ITK: variants seen among roughly 807,000 people sequenced by gnomAD.
ITK encodes the protein tyrosine-protein kinase ITK/TSK.
ITK carries 45 observed loss-of-function variants against 87.6 expected under a neutral mutation model. That is an observed-to-expected ratio of 0.51 (90% CI 0.40 to 0.66). ITK has a LOEUF of 0.66. Ranked by LOEUF, ITK falls within the 30% of genes least tolerant of loss-of-function variation. The pLI, the probability that ITK is intolerant of heterozygous loss-of-function variation, is 0.00. For missense variants in ITK, 605 were observed against 766.3 expected (o/e 0.79, Z 2.48); for synonymous variants, 303 against 273.6 (o/e 1.11, Z -1.06).
Position 157,180,942 on chromosome 5 carries a change from G to T in ITK, c.-36G>T, listed in dbSNP as rs1311266302. On this transcript the variant is annotated 5_prime_UTR_variant, in exon 1 of 17. Coordinates refer to ENST00000422843, the MANE Select transcript of ITK (RefSeq NM_005546.4). ...CTTTCCTTTGGTTGTGCTAAGAGGT[G>T]ATGCCCAAGGTGCACCACCTTTCAA... The T allele has an allele frequency of 1.2e-6, 2 of 1,611,130 alleles. No homozygotes were observed. Among genetic ancestry groups the T allele is most frequent in the Non-Finnish European group, 1.7e-6 (2 of 1,177,704 alleles).
intron 7 of ITK, among the ~76,000 whole-genome samples, chr5:157,229,923 T>A (rs1431449569): frequency 6.6e-6 from 1 of 152,052 alleles, no homozygotes; most frequent in Non-Finnish European, 1.5e-5. Flanking sequence ...TCAAAAAAAA[T>A]AATAGTAATA....
intron 2 of ITK, among the ~76,000 whole-genome samples, chr5:157,210,371 T>C (rs1466041698): frequency 6.6e-6 from 1 of 152,066 alleles, no homozygotes; most frequent in Non-Finnish European, 1.5e-5. Context: ...ACTAGAAAAG[T>C]GACCCTCATG....
intron 1 of ITK, among the ~76,000 whole-genome samples, chr5:157,201,389 C>T (rs1375874409): frequency 1.3e-5 from 2 of 150,824 alleles, no homozygotes; most frequent in Non-Finnish European, 1.5e-5. Context: ...CCTCCACCTC[C>T]TGGGTTCAAG....
chr5:157,213,645 G>T (rs958706770), intron 3 of ITK: 1 of 435,348 alleles, frequency 2.3e-6, no homozygotes, highest in African/African-American at 2.1e-5. Context: ...GCCTACGAAA[G>T]TACTGGGATT....
At position 157,181,093 on chromosome 5, in the gene ITK, C is replaced by G; in HGVS notation, c.116C>G (p.Ala39Gly). The change falls in exon 1 of 17, where the codon GCA (alanine) becomes GGA (glycine). Residue 39 changes from alanine to glycine, a missense_variant. Physicochemically the swap from Ala to Gly is moderately conservative, Grantham distance 60. Coordinates refer to ENST00000422843, the MANE Select transcript of ITK (RefSeq NM_005546.4). ...RFFVLTKASL[A>G]YFEDRHGKKR... ...TTTGTGTTAACCAAAGCCAGCCTGG[C>G]ATACTTTGAAGATCGTCATGGGGTA... 1 of 1,614,050 alleles carries G rather than the reference C, an allele frequency of 6.2e-7. No individual in the cohort carries two copies. Among genetic ancestry groups the G allele is most frequent in the Non-Finnish European group, 8.5e-7 (1 of 1,179,908 alleles).
intron 1 of ITK, chr5:157,199,763 G>C (rs899337158): frequency 6.6e-6 from 1 of 152,186 alleles, no homozygotes; most frequent in African/African-American, 2.4e-5. Flanking sequence ...AAACAGGATG[G>C]AATGTTGAAT....
intron 5 of ITK, among the ~76,000 whole-genome samples, chr5:157,221,867 G>T (rs1294873821): frequency 6.6e-6 from 1 of 151,990 alleles, no homozygotes; most frequent in African/African-American, 2.4e-5. Flanking sequence ...ATTCCAATCT[G>T]CAGCCGGGCA....
At chr5:157,250,981 C>A (rs1315475395) in intron 16 of ITK, among the ~76,000 whole-genome samples, 1 of 152,202 alleles carries the variant, frequency 6.6e-6, no homozygotes, top group Non-Finnish European at 1.5e-5. Context: ...ATGAATACAG[C>A]TGCTATAAAT....
At chr5:157,243,882 C>G in intron 12 of ITK, 88 bp downstream of exon 12, 2 of 1,245,978 alleles carry the variant, frequency 1.6e-6, no homozygotes, top group Non-Finnish European at 2.4e-6. Flanking sequence ...CCAGGGGGTA[C>G]TATCTCCCTG....
intron 2 of ITK, 85 bp from the exon 3 acceptor site, chr5:157,211,201 AC>A: frequency 1.9e-6 from 2 of 1,079,094 alleles, no homozygotes; most frequent in Non-Finnish European, 1.4e-6. Context: ...AACACCCGAG[AC>A]CCCACTCTCG....
At chr5:157,210,710 A>T (rs1424631749) in intron 2 of ITK, among the ~76,000 whole-genome samples, 1 of 66,022 alleles carries the variant, frequency 1.5e-5, no homozygotes, top group Non-Finnish European at 2.7e-5. Context: ...CCACCCCACC[A>T]CAGTCCCCAG....
At chr5:157,239,767 A>C (rs191952527) in intron 9 of ITK, among the ~76,000 whole-genome samples, 196 of 152,350 alleles carry the variant, frequency 1.3e-3, no homozygotes, top group African/African-American at 4.1e-3. Flanking sequence ...AGAATAGGCA[A>C]GGCAAACACA....
At chr5:157,194,225 C>T (rs1753809130) in intron 1 of ITK, among the ~76,000 whole-genome samples, 1 of 152,136 alleles carries the variant, frequency 6.6e-6, no homozygotes, top group Non-Finnish European at 1.5e-5. Flanking sequence ...CAGCCAGTTT[C>T]TCGCTGCGAG....
chr5:157,245,955 T>C lies in ITK; in HGVS notation c.1589T>C (p.Phe530Ser), dbSNP rs777213383. 6.2e-7 allele frequency: 1 copy of C among 1,614,134 alleles called. No homozygotes were observed. The highest frequency in any genetic ancestry group is 8.5e-7 in the Non-Finnish European group (1 of 1,179,976). Reference sequence around the variant, plus strand: ...GTGAAGTGGGCATCCCCAGAGGTTTTCTCTTTCAGTCGCTATAGCAGCAAG... The same window carrying C: ...GTGAAGTGGGCATCCCCAGAGGTTTCCTCTTTCAGTCGCTATAGCAGCAAG... ...FPVKWASPEV[F>S]SFSRYSSKSD... is the part of the protein sequence containing the mutation. The change falls in exon 15 of 17, where the codon TTC becomes TCC. Residue 530 changes from phenylalanine (F) to serine (S), a missense_variant. Phe to Ser is a radical substitution (Grantham distance 155, BLOSUM62 -2). This residue lies in a region of ITK where 70 missense variants were observed against 122.5 expected (regional missense o/e 0.57). Transcript: ENST00000422843.
chr5:157,203,865 T>C (rs748356851), intron 1 of ITK, among the ~76,000 whole-genome samples: 1 of 152,216 alleles, frequency 6.6e-6, no homozygotes, highest in Non-Finnish European at 1.5e-5. Context: ...CTCATTTTCC[T>C]TTATATATAC....
chr5:157,243,424 T>C (rs1754954144), intron 11 of ITK, among the ~76,000 whole-genome samples, 199 bp from the exon 12 acceptor site: 1 of 152,246 alleles, frequency 6.6e-6, no homozygotes, highest in Non-Finnish European at 1.5e-5. Flanking sequence ...CTTCTTTCCA[T>C]GTTACCTTCC....
chr5:157,205,448 T>C (rs1754059788), intron 1 of ITK, among the ~76,000 whole-genome samples: 1 of 152,202 alleles, frequency 6.6e-6, no homozygotes, highest in South Asian at 2.1e-4. Flanking sequence ...AAAATATAAT[T>C]CTGGAAAAAA....
At position 157,210,160 on chromosome 5, in the gene ITK, G is replaced by A. The variant is rs181873182; in HGVS notation, c.244-1127G>A. Among the ~76,000 whole-genome samples, 19 of 152,178 alleles carry A rather than the reference G, an allele frequency of 1.2e-4. No homozygotes were observed. The East Asian group carries it at 1.4e-3, about 11-fold the overall frequency. On this transcript the variant is annotated intron_variant, in intron 2 of 16. Coordinates refer to ENST00000422843, the MANE Select transcript of ITK (RefSeq NM_005546.4). ...AGACTAGTCTCAAACTCCTGACCTC[G>A]TGATCGACCCGCCTCGGCCTCCCAA...
At chr5:157,198,270 T>C (rs1753891293) in intron 1 of ITK, among the ~76,000 whole-genome samples, 1 of 152,212 alleles carries the variant, frequency 6.6e-6, no homozygotes, top group Admixed American at 6.5e-5. Context: ...CTGAAAACTG[T>C]ATGTAAGAAT....
Sources: gnomAD v4.1 joint callset for allele counts (sites outside exome capture counted in the v4.1 genomes callset) on GRCh38, gnomAD v4.1.1 for gene constraint, gnomAD v4.1.1 regional missense constraint, MANE v1.5 for transcripts, NCBI Gene and HGNC (gene_info 2026-07-23, HGNC 2026-07-21) for gene names.